Variants in RSRC1 observed in about 807,000 individuals in gnomAD.
RSRC1 encodes arginine and serine rich coiled-coil 1.
RSRC1 carries 39 observed loss-of-function variants against 49.1 expected under a neutral mutation model. That is an observed-to-expected ratio of 0.79 (90% CI 0.61 to 1.04). RSRC1 has a LOEUF of 1.04. Ranked by LOEUF, RSRC1 falls within the 50% of genes least tolerant of loss-of-function variation. The pLI is 0.00. For synonymous variants in RSRC1, 143 were observed against 130.8 expected (o/e 1.09, Z -0.63); for missense variants, 388 against 402.4 (o/e 0.96, Z 0.31).
At chr3:158,493,525 T>C (rs1373286531) in intron 7 of RSRC1, among the ~76,000 whole-genome samples, 1 of 152,148 alleles carries the variant, frequency 6.6e-6, no homozygotes. Flanking sequence ...AGAAAATAGA[T>C]TTTTTGATGT....
chr3:158,194,491 C>CTTTTTTTTTTTTTTTTTTTT (rs368635096), intron 3 of RSRC1, among the ~76,000 whole-genome samples: 1 of 126,572 alleles, frequency 7.9e-6, no homozygotes, highest in Non-Finnish European at 1.7e-5. Flanking sequence ...CTTTGAGATT[C>CTTTTTTTTTTTTTTTTTTTT]TTTTTTTTTT....
intron 5 of RSRC1, among the ~76,000 whole-genome samples, chr3:158,315,984 C>T (rs941117144): frequency 6.6e-6 from 1 of 151,876 alleles, no homozygotes; most frequent in African/African-American, 2.4e-5. Context: ...CCAGCCTGGC[C>T]AACATGGTGA....
intron 7 of RSRC1, among the ~76,000 whole-genome samples, chr3:158,516,596 G>T (rs1268383545): frequency 6.6e-6 from 1 of 152,194 alleles, no homozygotes; most frequent in Non-Finnish European, 1.5e-5. Context: ...GAGGCAGGCA[G>T]GCCTCCTTGA....
chr3:158,183,588 A>G (rs372377503), intron 3 of RSRC1, among the ~76,000 whole-genome samples: 2 of 152,212 alleles, frequency 1.3e-5, no homozygotes, highest in Non-Finnish European at 2.9e-5. Context: ...AATAAAAAGT[A>G]AAACAATAAT....
chr3:158,281,842 A>G (rs1726193421), intron 4 of RSRC1, among the ~76,000 whole-genome samples: 2 of 152,186 alleles, frequency 1.3e-5, no homozygotes, highest in South Asian at 4.1e-4. Context: ...GAGATAGGGT[A>G]TGTGTATAGT....
At chr3:158,262,639 G>T (rs1352238733) in intron 4 of RSRC1, among the ~76,000 whole-genome samples, 1 of 152,054 alleles carries the variant, frequency 6.6e-6, no homozygotes, top group African/African-American at 2.4e-5. Flanking sequence ...TGAGTCTGTA[G>T]ATCAGTTTGG....
At chr3:158,259,154 T>C (rs1476605424) in intron 4 of RSRC1, among the ~76,000 whole-genome samples, 3 of 152,156 alleles carry the variant, frequency 2.0e-5, no homozygotes, top group Admixed American at 2.0e-4. Flanking sequence ...TTTATAGGTG[T>C]CTGGGCATTA....
At chr3:158,348,393 G>C (rs1433880868) in intron 5 of RSRC1, among the ~76,000 whole-genome samples, 1 of 152,084 alleles carries the variant, frequency 6.6e-6, no homozygotes, top group African/African-American at 2.4e-5. Context: ...TGCTGGTTTT[G>C]AATGTATGCT....
chr3:158,349,606 C>CT (rs1730747589), intron 5 of RSRC1, among the ~76,000 whole-genome samples: 1 of 148,286 alleles, frequency 6.7e-6, no homozygotes, highest in Non-Finnish European at 1.5e-5. Context: ...TCTGTACTGA[C>CT]TTTTTTATTA....
At chr3:158,520,701 A>C (rs1711608521) in intron 7 of RSRC1, among the ~76,000 whole-genome samples, 1 of 152,140 alleles carries the variant, frequency 6.6e-6, no homozygotes, top group East Asian at 1.9e-4. Flanking sequence ...GAAATGTTTC[A>C]AATTAATTGT....
intron 3 of RSRC1, among the ~76,000 whole-genome samples, chr3:158,181,364 A>G (rs2108252914): frequency 6.6e-6 from 1 of 152,314 alleles, no homozygotes; most frequent in East Asian, 1.9e-4. Context: ...GACACATAAG[A>G]GAAATATCTG....
At chr3:158,412,770 A>G (rs1489734948) in intron 6 of RSRC1, among the ~76,000 whole-genome samples, 1 of 152,034 alleles carries the variant, frequency 6.6e-6, no homozygotes, top group Non-Finnish European at 1.5e-5. Flanking sequence ...CTGGACAACA[A>G]AGGAAAACCC....
intron 5 of RSRC1, among the ~76,000 whole-genome samples, chr3:158,335,313 T>G (rs911298626): frequency 6.6e-6 from 1 of 152,098 alleles, no homozygotes; most frequent in Admixed American, 6.6e-5. Flanking sequence ...CAAAGGAAAT[T>G]CCAAGTAGAG....
Position 158,198,456 on chromosome 3 carries a change from G to T in RSRC1, c.321-4616G>T, listed in dbSNP as rs187470387. 5.4e-4 allele frequency among the ~76,000 whole-genome samples: 82 copies of T among 152,222 alleles called. 1 individual carries two copies. The highest frequency in any genetic ancestry group is 1.4e-3 in the Admixed American group (22 of 15,282). Reference sequence around the variant, plus strand: ...TGGACTCTACCCACCTTGCCAGTCTGTGTCTTTTAATTGGAGCATTTAGCC... The same window carrying T: ...TGGACTCTACCCACCTTGCCAGTCTTTGTCTTTTAATTGGAGCATTTAGCC... On this transcript the variant is annotated intron_variant, in intron 3 of 9. Coordinates refer to ENST00000611884, the MANE Select transcript of RSRC1 (RefSeq NM_001271838.2).
chr3:158,141,935 TA>T (rs1446180028), intron 3 of RSRC1, among the ~76,000 whole-genome samples: 2 of 152,114 alleles, frequency 1.3e-5, no homozygotes, highest in Non-Finnish European at 2.9e-5. Flanking sequence ...CCGTCTCTAC[TA>T]AAAATACAAT....
chr3:158,489,529 A>G (rs1738978562), intron 7 of RSRC1, among the ~76,000 whole-genome samples: 1 of 152,138 alleles, frequency 6.6e-6, no homozygotes, highest in Admixed American at 6.5e-5. Context: ...ATATAGAACA[A>G]TACAAAATAA....
chr3:158,321,786 T>C (rs1413609503), intron 5 of RSRC1, among the ~76,000 whole-genome samples: 1 of 152,082 alleles, frequency 6.6e-6, no homozygotes, highest in African/African-American at 2.4e-5. Context: ...CTTTAATGTA[T>C]CATAATGTAC....
chr3:158,142,637 G>T lies in RSRC1; in HGVS notation c.320+18646G>T, dbSNP rs554062408. 3.9e-5 allele frequency among the ~76,000 whole-genome samples: 6 copies of T among 152,226 alleles called. No individual in the cohort carries two copies. In the South Asian group the frequency reaches 1.2e-3, roughly 32 times the overall value. Reference sequence around the variant, plus strand: ...AGCACATCACATGGTGAGAGTGGGAGCAAGAGAGAGTAGGAAAAGTGTCAC... The same window carrying T: ...AGCACATCACATGGTGAGAGTGGGATCAAGAGAGAGTAGGAAAAGTGTCAC... On this transcript the variant is annotated intron_variant, in intron 3 of 9. Coordinates refer to ENST00000611884, the MANE Select transcript of RSRC1 (RefSeq NM_001271838.2).
rs1487590358 is a variant in RSRC1, at chr3:158,354,967, G to A, written c.583+59G>A. The A allele has an allele frequency of 3.5e-6, 4 of 1,145,716 alleles. No homozygotes were observed. In the African/African-American group the frequency reaches 4.9e-5, roughly 14 times the overall value. 71.0% of individuals were successfully genotyped at this position (1,145,716 alleles called of 1,614,324 possible). A position where few individuals can be genotyped will look rare whatever the true frequency, so the allele number is the denominator to read the frequency against. ...GAAGTGACGAGTAAACCCTAGGCTG[G>A]TAGCATGCTTAGAAATGAGTAAAAA... On this transcript the variant is annotated intron_variant, in intron 6 of 9. Coordinates refer to ENST00000611884, the MANE Select transcript of RSRC1 (RefSeq NM_001271838.2).
Sources: allele counts gnomAD v4.1 joint callset (sites outside exome capture counted in the v4.1 genomes callset), GRCh38; gene constraint gnomAD v4.1.1; transcripts MANE v1.5; gene names NCBI Gene and HGNC (gene_info 2026-07-23, HGNC 2026-07-21).